GBE1: variants seen among roughly 807,000 people sequenced by gnomAD.
GBE1 encodes 1,4-alpha-glucan branching enzyme 1, also known as 1,4-alpha-glucan-branching enzyme.
A neutral mutation model predicts 88.8 loss-of-function variants in GBE1; 70 were observed. The ratio of observed to expected loss-of-function variants is 0.79; its 90% CI spans 0.65 to 0.96. The LOEUF is 0.96. GBE1 is among the 40% of genes least tolerant of loss of function. The pLI, the probability that GBE1 is intolerant of heterozygous loss-of-function variation, is 0.00. For missense variants in GBE1, 872 were observed against 871.0 expected, an observed-to-expected ratio of 1.00 and a Z score of -0.01; for synonymous variants, 284 against 300.1, an observed-to-expected ratio of 0.95 and a Z score of 0.56.
intron 10 of GBE1, among the ~76,000 whole-genome samples, chr3:81,583,256 C>CA: frequency 6.6e-6 from 1 of 152,072 alleles, no homozygotes; most frequent in Non-Finnish European, 1.5e-5. Context: ...GCAGGTCTCT[C>CA]AAACATCACT....
At chr3:81,592,338 T>A (rs1262492347) in intron 8 of GBE1, among the ~76,000 whole-genome samples, 1 of 152,156 alleles carries the variant, frequency 6.6e-6, no homozygotes, top group Non-Finnish European at 1.5e-5. Context: ...CTAGCAAATG[T>A]TTGAGTCACA....
chr3:81,651,737 TTC>T (rs1243160818), intron 3 of GBE1, among the ~76,000 whole-genome samples: 1 of 152,174 alleles, frequency 6.6e-6, no homozygotes, highest in Non-Finnish European at 1.5e-5. Flanking sequence ...CACCTATGCT[TTC>T]TCTGTTTTGT....
intron 15 of GBE1, among the ~76,000 whole-genome samples, chr3:81,497,831 T>G (rs1702538088): frequency 6.6e-6 from 1 of 152,180 alleles, no homozygotes; most frequent in Non-Finnish European, 1.5e-5. Context: ...ACTCTTTTGA[T>G]TATTTCAGAA....
chr3:81,671,914 A>G (rs1250628218), intron 2 of GBE1, among the ~76,000 whole-genome samples: 1 of 152,022 alleles, frequency 6.6e-6, no homozygotes, highest in Non-Finnish European at 1.5e-5. Context: ...AATATACCAA[A>G]AGAGAGAGAG....
At chr3:81,670,746 C>T in intron 3 of GBE1, 92 bp downstream of exon 3, 3 of 665,050 alleles carry the variant, frequency 4.5e-6, no homozygotes, top group Non-Finnish European at 7.6e-6. Flanking sequence ...TATCATGCAT[C>T]AGTTGTACAT....
At chr3:81,519,594 A>C (rs1702845963) in intron 14 of GBE1, among the ~76,000 whole-genome samples, 2 of 151,404 alleles carry the variant, frequency 1.3e-5, no homozygotes, top group South Asian at 4.1e-4. Context: ...GGGGGGGTTA[A>C]AATTTCTATT....
chr3:81,563,914 G>A (rs1383123858), intron 12 of GBE1, among the ~76,000 whole-genome samples: 1 of 151,060 alleles, frequency 6.6e-6, no homozygotes, highest in South Asian at 2.1e-4. Context: ...AGGGAGGGAG[G>A]GAGGGAGTGA....
At chr3:81,602,374 G>A (rs1253060896) in intron 7 of GBE1, among the ~76,000 whole-genome samples, 1 of 152,128 alleles carries the variant, frequency 6.6e-6, no homozygotes, top group Non-Finnish European at 1.5e-5. Context: ...TTAACCATTT[G>A]TCTTAGTTTA....
Position 81,699,517 on chromosome 3 carries a change from C to T in GBE1, c.313+5927G>A, listed in dbSNP as rs892384251. ...GGGGAGTTTATTAAGAATTAACTTA[C>T]GCAATGGCAAGGTTCCACAATAGGC... is the stretch of plus-strand genomic sequence containing the variant. On this transcript the variant is annotated intron_variant, in intron 2 of 15. Transcript: ENST00000429644. 4.6e-5 allele frequency among the ~76,000 whole-genome samples: 7 copies of T among 152,118 alleles called. No homozygotes were observed. In the South Asian group the frequency reaches 6.2e-4, roughly 14 times the overall value.
chr3:81,595,804 T>TA (rs1282311228), intron 7 of GBE1, among the ~76,000 whole-genome samples: 1 of 151,902 alleles, frequency 6.6e-6, no homozygotes, highest in African/African-American at 2.4e-5. Context: ...TTTAAAATAT[T>TA]AAAATAAAAA....
At chr3:81,709,957 C>T (rs904588751) in intron 1 of GBE1, among the ~76,000 whole-genome samples, 3 of 152,110 alleles carry the variant, frequency 2.0e-5, no homozygotes, top group African/African-American at 7.2e-5. Flanking sequence ...AATGAAACTA[C>T]TACAGGAACT....
chr3:81,603,825 A>C (rs908990062), intron 7 of GBE1, among the ~76,000 whole-genome samples: 5 of 152,172 alleles, frequency 3.3e-5, no homozygotes, highest in African/African-American at 7.2e-5. Context: ...TGAAAAATTA[A>C]TTCAAGGCTA....
At chr3:81,558,230 C>A (rs1703373715) in intron 12 of GBE1, among the ~76,000 whole-genome samples, 1 of 151,610 alleles carries the variant, frequency 6.6e-6, no homozygotes, top group African/African-American at 2.4e-5. Context: ...ATTATAATTA[C>A]CAAAATAATT....
chr3:81,528,028 T>C (rs969991502), intron 14 of GBE1, among the ~76,000 whole-genome samples: 2 of 152,010 alleles, frequency 1.3e-5, no homozygotes, highest in African/African-American at 2.4e-5. Flanking sequence ...CATGGAATAC[T>C]ATGCAGCCAT....
At chr3:81,681,657 G>C (rs1381251017) in intron 2 of GBE1, among the ~76,000 whole-genome samples, 1 of 152,154 alleles carries the variant, frequency 6.6e-6, no homozygotes, top group African/African-American at 2.4e-5. Flanking sequence ...TTTCAACAAG[G>C]ATGGTTCAAT....
intron 14 of GBE1, among the ~76,000 whole-genome samples, chr3:81,504,793 G>A (rs1223258957): frequency 3.9e-5 from 6 of 152,168 alleles, no homozygotes; most frequent in Non-Finnish European, 7.4e-5. Flanking sequence ...AAGCTGCTGT[G>A]TTTGCTCAGG....
chr3:81,676,035 A>G (rs1206583291), intron 2 of GBE1, among the ~76,000 whole-genome samples: 1 of 151,986 alleles, frequency 6.6e-6, no homozygotes, highest in Non-Finnish European at 1.5e-5. Context: ...GTTTCTTATG[A>G]TTTTCTTAAT....
rs1200011090 is a variant in GBE1 at position 81,676,431 on chromosome 3, G to T, written c.314-5478C>A. On this transcript the variant is annotated intron_variant, in intron 2 of 15. Coordinates refer to ENST00000429644, the MANE Select transcript of GBE1 (RefSeq NM_000158.4). ...CTTGGAGTCCAGCGTATTTTAATTT[G>T]CAGTCTTAAGTCTGGAATAAAGGTA... Among the ~76,000 whole-genome samples the T allele has an allele frequency of 2.0e-5, 3 of 151,864 alleles. No individual in the cohort carries two copies. In the East Asian group the frequency reaches 5.8e-4, roughly 29 times the overall value.
At chr3:81,537,742 T>C (rs1703096384) in intron 12 of GBE1, among the ~76,000 whole-genome samples, 1 of 151,998 alleles carries the variant, frequency 6.6e-6, no homozygotes, top group Non-Finnish European at 1.5e-5. Flanking sequence ...TTTCCGTATT[T>C]CTTTTTCAGA....
Sources: allele counts gnomAD v4.1 joint callset (sites outside exome capture counted in the v4.1 genomes callset), GRCh38; gene constraint gnomAD v4.1.1; transcripts MANE v1.5; gene names NCBI Gene and HGNC (gene_info 2026-07-23, HGNC 2026-07-21).